APOD: variants seen among roughly 807,000 people sequenced by gnomAD.
APOD encodes apo-D.
APOD carries 22 observed loss-of-function variants against 20.4 expected under a neutral mutation model. That is an observed-to-expected ratio of 1.08 (90% CI 0.77 to 1.54). APOD has a LOEUF of 1.54. APOD is among the 40% of genes most tolerant of loss of function. APOD has a pLI of 0.00. For synonymous variants in APOD, 97 were observed against 92.4 expected (o/e 1.05, Z -0.29); for missense variants, 223 against 229.6 (o/e 0.97, Z 0.19).
chr3:195,575,381 A>G (rs1720232014), intron 2 of APOD, among the ~76,000 whole-genome samples: 1 of 152,222 alleles, frequency 6.6e-6, no homozygotes, highest in Admixed American at 6.5e-5. Flanking sequence ...TTTCCCATGC[A>G]AAGTAACATT....
chr3:195,581,289 C>T (rs1286312977), intron 1 of APOD, among the ~76,000 whole-genome samples: 3 of 152,098 alleles, frequency 2.0e-5, no homozygotes, highest in South Asian at 2.1e-4. Flanking sequence ...TCTGAGGTTC[C>T]GTTTCTCATC....
rs190804983 is a variant in APOD, at chr3:195,573,830, G to A, written c.245+20C>T. On this transcript the variant is annotated intron_variant, in intron 3 of 4. Transcript: ENST00000343267. Reference sequence around the variant, plus strand: ...ATCAGCACTCCGCAGGCCTGGCCCCGGACGCCCACAGCCACTCACCTCAAC... The same window carrying A: ...ATCAGCACTCCGCAGGCCTGGCCCCAGACGCCCACAGCCACTCACCTCAAC... 711 of 1,612,246 alleles carry A rather than the reference G, an allele frequency of 4.4e-4. 3 individuals carry two copies. The East Asian group carries it at 0.013, about 28-fold the overall frequency.
intron 2 of APOD, among the ~76,000 whole-genome samples, chr3:195,576,856 A>G (rs1400188101): frequency 1.3e-5 from 2 of 151,362 alleles, no homozygotes; most frequent in Non-Finnish European, 1.5e-5. Context: ...CTCTACTTGC[A>G]ATGAACAATT....
At chr3:195,573,536 G>A (rs1720200369) in intron 3 of APOD, among the ~76,000 whole-genome samples, 1 of 152,222 alleles carries the variant, frequency 6.6e-6, no homozygotes, top group Non-Finnish European at 1.5e-5. Flanking sequence ...TCAGCAGATG[G>A]TGTCGAAGCG....
chr3:195,580,369 T>TTTC (rs1266396094), intron 1 of APOD, among the ~76,000 whole-genome samples: 6 of 38,722 alleles, frequency 1.5e-4, no homozygotes, highest in Admixed American at 3.2e-4. Context: ...TTCTTTCTTC[T>TTTC]TTTTTTTTTT....
At chr3:195,569,344 CCCTGCCTG>C (rs1387569776) in intron 4 of APOD, among the ~76,000 whole-genome samples, 2 of 152,094 alleles carry the variant, frequency 1.3e-5, no homozygotes, top group African/African-American at 2.4e-5. Context: ...ACTGTTGGTG[CCCTGCCTG>C]CCTGCCTGCC....
chr3:195,583,013 C>T (rs1007084963), intron 1 of APOD: 2 of 152,142 alleles, frequency 1.3e-5, no homozygotes, highest in African/African-American at 4.8e-5. Flanking sequence ...ACAGTGCATC[C>T]ACCTTGGGCC....
Position 195,579,339 on chromosome 3 carries a change from C to T in APOD, c.123G>A (p.Lys41=). ...PPVQENFDVN[K]YLGRWYEIEK... is the part of the protein sequence containing the mutation. The stretch of plus-strand genomic sequence containing the variant: ...AACAAACGGGAGGTTCGCCTTTTAC[C>T]TTATTCACGTCAAAATTCTCCTGCA... Residue 41 remains lysine (K), a splice_region_variant and synonymous_variant, in exon 2 of 5, where the codon AAG becomes AAA. Coordinates refer to ENST00000343267, the MANE Select transcript of APOD (RefSeq NM_001647.4). The T allele has an allele frequency of 6.2e-7, 1 of 1,614,192 alleles. No homozygotes were observed. Among genetic ancestry groups the T allele is most frequent in the Non-Finnish European group, 8.5e-7 (1 of 1,180,014 alleles).
chr3:195,569,994 T>A (rs1191031843), intron 4 of APOD, among the ~76,000 whole-genome samples: 1 of 151,680 alleles, frequency 6.6e-6, no homozygotes, highest in Non-Finnish European at 1.5e-5. Flanking sequence ...AGAGACAGGG[T>A]TTCACCATGT....
intron 4 of APOD, chr3:195,570,982 G>A (rs777747724): frequency 1.0e-4 from 45 of 432,442 alleles, no homozygotes; most frequent in Admixed American, 3.5e-4. Context: ...GCCCACACCC[G>A]GTGTGCACCT....
intron 4 of APOD, among the ~76,000 whole-genome samples, chr3:195,569,346 C>A (rs770817781): frequency 6.6e-6 from 1 of 152,112 alleles, no homozygotes; most frequent in Non-Finnish European, 1.5e-5. Flanking sequence ...TGTTGGTGCC[C>A]TGCCTGCCTG....
rs559814298 is a variant in APOD, at chr3:195,572,848, T to TA, written c.245+1001dup. The stretch of plus-strand genomic sequence containing the variant: ...CAACACAGTGAAACCCCGTCTCTAC[T>TA]AAAATACAATTAAAAAAAAAAAAGA... On this transcript the variant is annotated intron_variant, in intron 3 of 4. Transcript: ENST00000343267. Among the ~76,000 whole-genome samples, 874 of 151,504 alleles carry TA rather than the reference T, an allele frequency of 5.8e-3. 9 individuals carry two copies. The highest frequency in any genetic ancestry group is 0.017 in the African/African-American group (717 of 41,074).
intron 1 of APOD, chr3:195,582,675 G>A (rs533515156): frequency 6.6e-6 from 1 of 152,226 alleles, no homozygotes; most frequent in Non-Finnish European, 1.5e-5. Context: ...ATGGGAGGCA[G>A]AGGTTGCAGT....
At chr3:195,570,972 G>A in intron 4 of APOD, 1 of 397,420 alleles carries the variant, frequency 2.5e-6, no homozygotes, top group South Asian at 3.3e-5. Context: ...GTCTTCTGCA[G>A]CCCACACCCG....
chr3:195,575,014 T>C (rs1042944128), intron 2 of APOD, among the ~76,000 whole-genome samples: 1 of 152,258 alleles, frequency 6.6e-6, no homozygotes, highest in Non-Finnish European at 1.5e-5. Flanking sequence ...ATCTTGCAGT[T>C]GTGTAAGTCA....
At chr3:195,575,095 G>A (rs1388012153) in intron 2 of APOD, among the ~76,000 whole-genome samples, 2 of 152,218 alleles carry the variant, frequency 1.3e-5, no homozygotes, top group Non-Finnish European at 2.9e-5. Flanking sequence ...CTCTAGGGGA[G>A]GATCAGTTTC....
rs753172328 is a variant in APOD at position 195,568,721 on chromosome 3, G to T, written c.*179C>A. ...TAATCCAACTTGGAATCTACTGCGA[G>T]CACAGCAGGTCAGCAACAAGTTTAT... is the stretch of plus-strand genomic sequence containing the variant. On this transcript the variant is annotated 3_prime_UTR_variant, in exon 5 of 5. Transcript: ENST00000343267. 7.4e-5 allele frequency: 45 copies of T among 608,096 alleles called. No homozygotes were observed. Among genetic ancestry groups the T allele is most frequent in the Non-Finnish European group, 1.3e-4 (44 of 340,872 alleles). 37.7% of individuals were successfully genotyped at this position (608,096 alleles called of 1,614,324 possible).
intron 3 of APOD, among the ~76,000 whole-genome samples, chr3:195,572,494 A>C (rs189576160): frequency 6.6e-6 from 1 of 152,308 alleles, no homozygotes; most frequent in African/African-American, 2.4e-5. Flanking sequence ...GATTGGATGC[A>C]ATACTTTCAC....
chr3:195,577,948 C>T (rs998123871), intron 2 of APOD, among the ~76,000 whole-genome samples: 3 of 152,128 alleles, frequency 2.0e-5, no homozygotes, highest in Admixed American at 6.5e-5. Flanking sequence ...GGTTCCTTTT[C>T]GGAACAGTGA....
Sources: allele counts gnomAD v4.1 joint callset (sites outside exome capture counted in the v4.1 genomes callset), GRCh38; gene constraint gnomAD v4.1.1; transcripts MANE v1.5; gene names NCBI Gene and HGNC (gene_info 2026-07-23, HGNC 2026-07-21).